Variants in C9orf85 observed in about 807,000 individuals in gnomAD.
C9orf85 encodes chromosome 9 open reading frame 85, also known as uncharacterized protein C9orf85.
A neutral mutation model predicts 14.9 loss-of-function variants in C9orf85; 16 were observed. The ratio of observed to expected loss-of-function variants is 1.08; its 90% CI spans 0.73 to 1.63. The LOEUF is 1.63. Ranked by LOEUF, C9orf85 falls within the 40% of genes most tolerant of loss-of-function variation. C9orf85 has a pLI of 0.00. For synonymous variants in C9orf85, 45 were observed against 56.8 expected (o/e 0.79, Z 0.93); for missense variants, 172 against 186.1 (o/e 0.92, Z 0.44).
intron 2 of C9orf85, among the ~76,000 whole-genome samples, chr9:71,965,923 G>A (rs1323248603): frequency 1.3e-5 from 2 of 152,154 alleles, no homozygotes; most frequent in Non-Finnish European, 2.9e-5. Flanking sequence ...GCTTGATAAT[G>A]ACTCCCTATT....
chr9:71,952,507 G>A (rs893223422), intron 2 of C9orf85, among the ~76,000 whole-genome samples: 1 of 152,158 alleles, frequency 6.6e-6, no homozygotes, highest in Admixed American at 6.5e-5. Context: ...TGGGACTACA[G>A]ACGCCCACCA....
At chr9:71,966,001 G>A (rs1462303294) in intron 2 of C9orf85, among the ~76,000 whole-genome samples, 4 of 152,146 alleles carry the variant, frequency 2.6e-5, no homozygotes. Flanking sequence ...GAAAACCTAA[G>A]TTTAACTAAC....
chr9:71,968,853 A>T (rs1403750576), intron 2 of C9orf85, among the ~76,000 whole-genome samples: 1 of 152,166 alleles, frequency 6.6e-6, no homozygotes, highest in Non-Finnish European at 1.5e-5. Context: ...TGGACCACAC[A>T]ATCTAAGCTA....
intron 1 of C9orf85, among the ~76,000 whole-genome samples, chr9:71,933,909 T>G (rs1828129188): frequency 1.3e-5 from 2 of 152,170 alleles, no homozygotes; most frequent in Admixed American, 6.5e-5. Flanking sequence ...TTCACCTCCT[T>G]AACCAATCAC....
At position 71,957,435 on chromosome 9, in the gene C9orf85, G is replaced by T. The variant is rs773044507; in HGVS notation, c.209+10323G>T. Among the ~76,000 whole-genome samples, 121 of 152,076 alleles carry T rather than the reference G, an allele frequency of 8.0e-4. 1 individual carries two copies. Among genetic ancestry groups the T allele is most frequent in the Admixed American group, 3.1e-3 (48 of 15,250 alleles). ...TAATTATTAAATATCATATTACTCA[G>T]TGAAAAACTGATTACTTACTGCTGC... On this transcript the variant is annotated intron_variant, in intron 2 of 3. Transcript: ENST00000334731.
downstream of C9orf85, among the ~76,000 whole-genome samples, chr9:71,974,249 C>T (rs1589276358): frequency 7.2e-6 from 1 of 139,740 alleles, no homozygotes; most frequent in South Asian, 2.3e-4. Flanking sequence ...TTTTATTTTA[C>T]TTTTTTTTTT....
chr9:71,964,269 A>AGCAGGAT (rs1219939752), intron 2 of C9orf85, among the ~76,000 whole-genome samples: 5 of 152,246 alleles, frequency 3.3e-5, no homozygotes, highest in African/African-American at 1.2e-4. Flanking sequence ...TCTACCAATC[A>AGCAGGAT]GCAGGATGTG....
intron 1 of C9orf85, among the ~76,000 whole-genome samples, chr9:71,917,338 T>C (rs1273610388): frequency 6.6e-6 from 1 of 152,196 alleles, no homozygotes; most frequent in African/African-American, 2.4e-5. Context: ...TTGGGGTGGA[T>C]CTCATCTCAT....
intron 1 of C9orf85, among the ~76,000 whole-genome samples, chr9:71,917,333 G>A (rs1827675198): frequency 1.3e-5 from 2 of 152,186 alleles, no homozygotes; most frequent in African/African-American, 4.8e-5. Flanking sequence ...GCTGGTTGGG[G>A]TGGATCTCAT....
intron 2 of C9orf85, among the ~76,000 whole-genome samples, chr9:71,952,553 A>G (rs1261721914): frequency 2.0e-5 from 3 of 152,092 alleles, no homozygotes; most frequent in African/African-American, 7.2e-5. Context: ...TTTTTAGTAG[A>G]GACGGGGTTT....
chr9:71,977,297 C>T (rs1823022313), downstream of C9orf85, among the ~76,000 whole-genome samples: 1 of 151,924 alleles, frequency 6.6e-6, no homozygotes, highest in South Asian at 2.1e-4. Flanking sequence ...CTGTTACTTT[C>T]AGTCAAATGC....
At chr9:71,957,828 A>G (rs1822418461) in intron 2 of C9orf85, among the ~76,000 whole-genome samples, 1 of 152,278 alleles carries the variant, frequency 6.6e-6, no homozygotes, top group South Asian at 2.1e-4. Context: ...ATGATACAGC[A>G]TCACTTCCAC....
At position 71,911,650 on chromosome 9, in the gene C9orf85, C is replaced by G; in HGVS notation, c.-85C>G. On this transcript the variant is annotated 5_prime_UTR_variant, in exon 1 of 4. Transcript: ENST00000334731. ...GTTTCTTCCGGGTCATTGACAGAAG[C>G]GTCAATTCCTGGGAGTAGTTCGTTG... is the stretch of plus-strand genomic sequence containing the variant. 1 of 1,148,150 alleles carries G rather than the reference C, an allele frequency of 8.7e-7. No homozygotes were observed. 71.1% of individuals were successfully genotyped at this position (1,148,150 alleles called of 1,614,324 possible). A position where few individuals can be genotyped will look rare whatever the true frequency, so the allele number is the denominator to read the frequency against.
rs779957894 is a variant in C9orf85 at position 71,947,046 on chromosome 9, G to A, written c.143G>A (p.Cys48Tyr). ...AKLHDGVCQR[C>Y]KEVLEWRVKY... ...CTTCATGATGGAGTATGTCAGCGCT[G>A]TAAAGAAGTTCTTGAGTGGCGTGTA... is the stretch of plus-strand genomic sequence containing the variant. The change falls in exon 2 of 4, where the codon TGT becomes TAT. Residue 48 changes from cysteine (C) to tyrosine (Y), a missense_variant. By Grantham distance (194) the Cys-to-Tyr change is radical. Coordinates refer to ENST00000334731, the MANE Select transcript of C9orf85 (RefSeq NM_182505.5). The A allele has an allele frequency of 1.2e-6, 2 of 1,613,412 alleles. No individual in the cohort carries two copies. Among genetic ancestry groups the A allele is most frequent in the South Asian group, 1.1e-5 (1 of 91,024 alleles).
chr9:71,970,353 A>G (rs1822826084), intron 2 of C9orf85, among the ~76,000 whole-genome samples: 1 of 152,186 alleles, frequency 6.6e-6, no homozygotes, highest in African/African-American at 2.4e-5. Flanking sequence ...TTGCTCTTGT[A>G]TAGAGTGTTC....
intron 1 of C9orf85, among the ~76,000 whole-genome samples, chr9:71,916,001 T>C (rs768612189): frequency 1.3e-5 from 2 of 152,190 alleles, no homozygotes; most frequent in Admixed American, 6.5e-5. Context: ...GTGCTAGATA[T>C]TGGAAGTATA....
chr9:71,931,417 CA>C (rs1373702494), intron 1 of C9orf85, among the ~76,000 whole-genome samples: 46 of 152,256 alleles, frequency 3.0e-4, no homozygotes, highest in African/African-American at 1.0e-3. Context: ...CTGTATGTTT[CA>C]AAGCTTTCTT....
intron 1 of C9orf85, among the ~76,000 whole-genome samples, chr9:71,935,318 A>T (rs1828163646): frequency 6.6e-6 from 1 of 152,210 alleles, no homozygotes; most frequent in Non-Finnish European, 1.5e-5. Flanking sequence ...ATCCATGTTC[A>T]TAGCAGCATT....
At chr9:71,954,301 G>A (rs1276172583) in intron 2 of C9orf85, among the ~76,000 whole-genome samples, 1 of 151,734 alleles carries the variant, frequency 6.6e-6, no homozygotes, top group African/African-American at 2.4e-5. Flanking sequence ...CCTCTAGACT[G>A]TAGGGAAAAA....
Sources: gnomAD v4.1 joint callset for allele counts (sites outside exome capture counted in the v4.1 genomes callset) on GRCh38, gnomAD v4.1.1 for gene constraint, MANE v1.5 for transcripts, NCBI Gene and HGNC (gene_info 2026-07-23, HGNC 2026-07-21) for gene names.